Variants in SPATS2 observed in about 807,000 individuals in gnomAD.
SPATS2 encodes spermatogenesis-associated serine-rich protein 2.
In SPATS2, 38 loss-of-function variants were observed where a neutral mutation model predicts 63.7. The ratio of observed to expected loss-of-function variants is 0.60; its 90% confidence interval spans 0.46 to 0.78. The LOEUF (loss-of-function observed/expected upper bound fraction) is 0.78, where lower values mean the gene tolerates loss of function less well. Among genes scored for constraint, SPATS2 ranks in the 30% least tolerant of loss-of-function variants. SPATS2 has a pLI of 0.00. For missense variants in SPATS2, 588 were observed against 666.2 expected (o/e 0.88, Z 1.29); for synonymous variants, 207 against 232.9 (o/e 0.89, Z 1.01).
At position 49,484,642 on chromosome 12, in the gene SPATS2, AG is replaced by A. The variant is rs1376037207; in HGVS notation, c.80del (p.Gly27GlufsTer6). ...AGTCCAATACCGTACTGGCCCAGGGAGGAGCTTTTGAGAACATGAAAGAGAA... is the reference window on the plus strand; with the variant it reads ...AGTCCAATACCGTACTGGCCCAGGGAGAGCTTTTGAGAACATGAAAGAGAA... The part of the protein sequence containing the change: ...LQSNTVLAQG[G>X]AFENMKEKIN... On this transcript the variant is annotated frameshift_variant, in exon 4 of 14. Coordinates refer to ENST00000552918, the MANE Select transcript of SPATS2 (RefSeq NM_023071.4). LOFTEE classifies it high-confidence loss of function. The A allele has an allele frequency of 6.2e-7, 1 of 1,613,988 alleles. No homozygotes were observed. The highest frequency in any genetic ancestry group is 1.1e-5 in the South Asian group (1 of 91,084).
chr12:49,498,368 T>C (rs10506286), intron 8 of SPATS2, among the ~76,000 whole-genome samples: 12,964 of 151,978 alleles, frequency 0.085, 778 homozygotes, highest in Non-Finnish European at 0.13. Context: ...TCTTGGAAAT[T>C]GGTTAAAATG....
At chr12:49,468,102 CT>C (rs1444817234) in intron 3 of SPATS2, among the ~76,000 whole-genome samples, 8 of 149,972 alleles carry the variant, frequency 5.3e-5, no homozygotes, top group Non-Finnish European at 1.0e-4. Context: ...TTTTCCTTCT[CT>C]TCTTTTTCTC....
intron 2 of SPATS2, among the ~76,000 whole-genome samples, chr12:49,441,255 G>A (rs1198313308): frequency 1.3e-5 from 2 of 152,078 alleles, no homozygotes; most frequent in Non-Finnish European, 2.9e-5. Flanking sequence ...CTAAGTAATA[G>A]TACCTCTTTC....
In SPATS2 at chr12:49,367,500, A is replaced by C. The variant is rs1035566551; in HGVS notation, c.-394A>C. On this transcript the variant is annotated 5_prime_UTR_variant, in exon 1 of 14. Transcript: ENST00000552918. The stretch of plus-strand genomic sequence containing the variant: ...GTGGCTCTAGAAGGGGAGGTGGAGG[A>C]TCTCCTTTCCTCTTCTCAGACCCGG... 20 of 397,102 alleles carry C rather than the reference A, an allele frequency of 5.0e-5. No individual in the cohort carries two copies. The allele number at this position is 397,102 out of a possible 1,614,324, so 24.6% of individuals were successfully genotyped here. A position where few individuals can be genotyped will look rare whatever the true frequency, so the allele number is the denominator to read the frequency against.
intron 3 of SPATS2, among the ~76,000 whole-genome samples, chr12:49,466,990 A>AAATGTAC (rs1347781541): frequency 6.6e-6 from 1 of 151,684 alleles, no homozygotes; most frequent in Admixed American, 6.6e-5. Flanking sequence ...TTACAGATTT[A>AAATGTAC]AATGTACAAC....
intron 2 of SPATS2, among the ~76,000 whole-genome samples, chr12:49,423,580 T>A (rs529019998): frequency 6.6e-6 from 1 of 152,274 alleles, no homozygotes; most frequent in Non-Finnish European, 1.5e-5. Context: ...AAGAGCATCA[T>A]CCTCCCACCC....
chr12:49,378,963 G>C (rs1170408591), intron 2 of SPATS2, among the ~76,000 whole-genome samples: 1 of 151,350 alleles, frequency 6.6e-6, no homozygotes, highest in African/African-American at 2.4e-5. Flanking sequence ...TGTCGACCAG[G>C]CTGGATCGCA....
chr12:49,425,069 C>T (rs1457728417), intron 2 of SPATS2, among the ~76,000 whole-genome samples: 1 of 152,142 alleles, frequency 6.6e-6, no homozygotes, highest in East Asian at 1.9e-4. Flanking sequence ...TAGAATTCTT[C>T]ATATTTTTGG....
rs552770667 is a variant in SPATS2 at position 49,465,075 on chromosome 12, A to G, written c.25+4038A>G. Among the ~76,000 whole-genome samples, 5 of 152,296 alleles carry G rather than the reference A, an allele frequency of 3.3e-5. No homozygotes were observed. The South Asian group carries it at 1.0e-3, about 32-fold the overall frequency. Reference sequence around the variant, plus strand: ...TGTCAGTAGTTTGCTCCTTTTTACTACTAAGTAGTCTTGTTATAACACATT... The same window carrying G: ...TGTCAGTAGTTTGCTCCTTTTTACTGCTAAGTAGTCTTGTTATAACACATT... On this transcript the variant is annotated intron_variant, in intron 3 of 13. Coordinates refer to ENST00000552918, the MANE Select transcript of SPATS2 (RefSeq NM_023071.4).
intron 6 of SPATS2, among the ~76,000 whole-genome samples, chr12:49,492,744 G>A (rs1282595166): frequency 6.6e-6 from 1 of 152,130 alleles, no homozygotes; most frequent in Non-Finnish European, 1.5e-5. Flanking sequence ...GGATAGTTAT[G>A]ATATACATGA....
intron 2 of SPATS2, among the ~76,000 whole-genome samples, chr12:49,396,735 G>A (rs770445809): frequency 5.3e-5 from 8 of 152,148 alleles, no homozygotes; most frequent in South Asian, 2.1e-4. Flanking sequence ...TTTCTACTTC[G>A]CATTTCATGG....
At chr12:49,467,057 T>TG (rs1565736533) in intron 3 of SPATS2, among the ~76,000 whole-genome samples, 1 of 136,132 alleles carries the variant, frequency 7.3e-6, no homozygotes, top group African/African-American at 2.8e-5. Flanking sequence ...TTTTTTTTTT[T>TG]TTTTTTTTTT....
intron 9 of SPATS2, among the ~76,000 whole-genome samples, chr12:49,504,039 C>G (rs928007019): frequency 1.1e-4 from 16 of 152,166 alleles, no homozygotes; most frequent in African/African-American, 3.9e-4. Context: ...TTTCAATGTT[C>G]CTTGTAGCCG....
chr12:49,454,776 A>G (rs896255568), intron 2 of SPATS2, among the ~76,000 whole-genome samples: 4 of 151,028 alleles, frequency 2.6e-5, no homozygotes, highest in Non-Finnish European at 2.9e-5. Flanking sequence ...GTGACTCAGG[A>G]GGCTGAGGTG....
chr12:49,490,739 G>A lies in SPATS2; in HGVS notation c.264+8G>A. ...GTAACAGGCAAGAAAAAGGTAAAAT[G>A]AATTACATTTAAAAGCATGATGATG... On this transcript the variant is annotated splice_region_variant and intron_variant, in intron 6 of 13. Transcript: ENST00000552918. 1 of 1,612,772 alleles carries A rather than the reference G, an allele frequency of 6.2e-7. No individual in the cohort carries two copies. The highest frequency in any genetic ancestry group is 8.5e-7 in the Non-Finnish European group (1 of 1,179,176).
At chr12:49,421,010 A>G (rs550809583) in intron 2 of SPATS2, among the ~76,000 whole-genome samples, 1 of 152,220 alleles carries the variant, frequency 6.6e-6, no homozygotes, top group South Asian at 2.1e-4. Flanking sequence ...CTGATTCAAA[A>G]GGAAAAAAGA....
intron 2 of SPATS2, among the ~76,000 whole-genome samples, chr12:49,382,230 A>C (rs1285578912): frequency 6.6e-6 from 1 of 152,242 alleles, no homozygotes; most frequent in African/African-American, 2.4e-5. Flanking sequence ...AATCTGTTAC[A>C]TCTGTTACAT....
chr12:49,513,258 A>G (rs1376724525), intron 9 of SPATS2, among the ~76,000 whole-genome samples: 1 of 152,052 alleles, frequency 6.6e-6, no homozygotes, highest in African/African-American at 2.4e-5. Flanking sequence ...TACAACCAGA[A>G]ACAAGAGTGG....
rs1179486719 is a variant in SPATS2 at position 49,389,602 on chromosome 12, G to T, written c.-244+18312G>T. On this transcript the variant is annotated intron_variant, in intron 2 of 13. Transcript: ENST00000552918. The stretch of plus-strand genomic sequence containing the variant: ...ATCACGACGATGCAGCAGAAACTCT[G>T]ATTGAGCAAACCACAGCTCTCAATA... 1.3e-5 allele frequency: 14 copies of T among 1,102,958 alleles called. No individual in the cohort carries two copies. In the East Asian group the frequency reaches 3.3e-4, roughly 26 times the overall value. The allele number at this position is 1,102,958 out of a possible 1,614,324, so 68.3% of individuals were successfully genotyped here. A position where few individuals can be genotyped will look rare whatever the true frequency, so the allele number is the denominator to read the frequency against.
Sources: gnomAD v4.1 joint callset for allele counts (sites outside exome capture counted in the v4.1 genomes callset) on GRCh38, gnomAD v4.1.1 for gene constraint, MANE v1.5 for transcripts, NCBI Gene and HGNC (gene_info 2026-07-23, HGNC 2026-07-21) for gene names.